The following IMPDH2 variants were observed in gnomAD, a reference collection of about 807,000 sequenced individuals.
IMPDH2 encodes the protein inosine monophosphate dehydrogenase 2.
A neutral mutation model predicts 57.8 loss-of-function variants in IMPDH2; 33 were observed. The observed-to-expected ratio is 0.57, with a 90% CI of 0.43 to 0.76. The LOEUF (loss-of-function observed/expected upper bound fraction) is 0.76. Among genes scored for constraint, IMPDH2 ranks in the 30% least tolerant of loss-of-function variants. IMPDH2 has a pLI of 0.00. For synonymous variants in IMPDH2, 270 were observed against 241.3 expected (o/e 1.12, Z -1.10); for missense variants, 446 against 659.1 (o/e 0.68, Z 3.54).
In IMPDH2 at chr3:49,029,245, G is replaced by A. The variant is rs1443385288; in HGVS notation, c.98+8C>T. ...CTCTTCGCCCAGGTGAGCCCCATAGGCCCGCACTTGTAGGTGAGGCCGTCT... is the reference window on the plus strand; with the variant it reads ...CTCTTCGCCCAGGTGAGCCCCATAGACCCGCACTTGTAGGTGAGGCCGTCT... On this transcript the variant is annotated splice_region_variant and intron_variant, in intron 1 of 13. Transcript: ENST00000326739. 2 of 1,590,428 alleles carry A rather than the reference G, an allele frequency of 1.3e-6. No homozygotes were observed. Among genetic ancestry groups the A allele is most frequent in the East Asian group, 4.5e-5 (2 of 44,208 alleles).
rs199709567 is a variant in IMPDH2 at position 49,025,053 on chromosome 3, G to A, written c.1151-13C>T. 8.1e-6 allele frequency: 13 copies of A among 1,614,254 alleles called. No individual in the cohort carries two copies. Among genetic ancestry groups the A allele is most frequent in the Non-Finnish European group, 1.1e-5 (13 of 1,180,046 alleles). ...GAGCCCATCATGACTGCGGACAGAT[G>A]GAGTGCTTGGGTTAGAGCCTAAGCA... On this transcript the variant is annotated splice_polypyrimidine_tract_variant and intron_variant, in intron 10 of 13. Coordinates refer to ENST00000326739, the MANE Select transcript of IMPDH2 (RefSeq NM_000884.3).
intron 4 of IMPDH2, 71 bp downstream of exon 4, chr3:49,028,177 C>T: frequency 1.6e-6 from 2 of 1,247,658 alleles, no homozygotes; most frequent in South Asian, 1.2e-5. Flanking sequence ...TAGAATAAAC[C>T]CCTACTCCCA....
At position 49,028,810 on chromosome 3, in the gene IMPDH2, C is replaced by T. The variant is rs72624905; in HGVS notation, c.99-4G>A. On this transcript the variant is annotated splice_region_variant and splice_polypyrimidine_tract_variant and intron_variant, in intron 1 of 13. Transcript: ENST00000326739. ...CCCAGGGAGAATGAGAAAGTCACTGCGAGGGAAGGGAGTGAATTGGGAGTA... is the reference window on the plus strand; with the variant it reads ...CCCAGGGAGAATGAGAAAGTCACTGTGAGGGAAGGGAGTGAATTGGGAGTA... 890 of 1,612,770 alleles carry T rather than the reference C, an allele frequency of 5.5e-4. 7 individuals are homozygous for T. In the African/African-American group the frequency reaches 0.01, roughly 19 times the overall value.
Position 49,025,013 on chromosome 3 carries a change from G to A in IMPDH2, c.1178C>T (p.Thr393Ile). ...TVMMGSLLAA[T>I]TEAPGEYFFS... The stretch of plus-strand genomic sequence containing the variant: ...GAAGTATTCACCAGGGGCCTCAGTG[G>A]TGGCAGCCAGGAGAGAGCCCATCAT... Residue 393 changes from threonine (T) to isoleucine (I), a missense_variant, in exon 11 of 14, where the codon ACC (threonine) becomes ATC (isoleucine). Thr to Ile is a moderately conservative substitution (Grantham distance 89). Coordinates refer to ENST00000326739, the MANE Select transcript of IMPDH2 (RefSeq NM_000884.3). 1.9e-6 allele frequency: 3 copies of A among 1,614,266 alleles called. No homozygotes were observed. The highest frequency in any genetic ancestry group is 1.7e-6 in the Non-Finnish European group (2 of 1,180,050).
intron 1 of IMPDH2, 106 bp downstream of exon 1, chr3:49,029,147 C>G: frequency 2.2e-6 from 2 of 928,740 alleles, no homozygotes; most frequent in South Asian, 1.4e-5. Context: ...TTCCCGAAAC[C>G]TGTCCCCCAC....
chr3:49,026,059 G>A (rs1245762221), intron 9 of IMPDH2: 1 of 577,218 alleles, frequency 1.7e-6, no homozygotes, highest in Non-Finnish European at 3.3e-6. Context: ...GAGGGATCTT[G>A]GGAGCCACTA....
In IMPDH2 at chr3:49,026,952, G is replaced by T; in HGVS notation, c.619+8C>A. The T allele has an allele frequency of 6.2e-7, 1 of 1,613,884 alleles. No homozygotes were observed. The highest frequency in any genetic ancestry group is 8.5e-7 in the Non-Finnish European group (1 of 1,179,766). On this transcript the variant is annotated splice_region_variant and intron_variant, in intron 6 of 13. Transcript: ENST00000326739. ...AGTTCCAGGCCCTTTCCCAGCTCTA[G>T]GACTTACCCTTCTTGCTGCGCTGCA...
chr3:49,027,944 C>T (rs542219720), intron 4 of IMPDH2, 28 bp from the exon 5 acceptor site: 7 of 1,543,954 alleles, frequency 4.5e-6, no homozygotes, highest in South Asian at 1.1e-5. Flanking sequence ...GAAAGGGCAT[C>T]GCATCTTTGA....
In IMPDH2 at chr3:49,026,945, A is replaced by G. The variant is rs563955587; in HGVS notation, c.619+15T>C. On this transcript the variant is annotated intron_variant, in intron 6 of 13. Transcript: ENST00000326739. ...AGGCATTAGTTCCAGGCCCTTTCCC[A>G]GCTCTAGGACTTACCCTTCTTGCTG... The G allele has an allele frequency of 9.9e-6, 16 of 1,613,808 alleles. No individual in the cohort carries two copies. The South Asian group carries it at 1.3e-4, about 13-fold the overall frequency.
chr3:49,027,584 C>A, intron 5 of IMPDH2, 126 bp downstream of exon 5: 1 of 793,834 alleles, frequency 1.3e-6, no homozygotes, highest in Admixed American at 2.2e-5. Flanking sequence ...ATAAAGGAGT[C>A]AGAAACTTGG....
At position 49,026,351 on chromosome 3, in the gene IMPDH2, T is replaced by C; in HGVS notation, c.979A>G (p.Ser327Gly). 6.2e-7 allele frequency: 1 copy of C among 1,613,156 alleles called. No individual in the cohort carries two copies. The highest frequency in any genetic ancestry group is 1.3e-5 in the African/African-American group (1 of 75,044). ...GVDALRVGMGSGSICITQEVL... is the reference protein window; with the variant it reads ...GVDALRVGMGGGSICITQEVL... ...TCCTGCGTAATGCAGATGGAGCCAC[T>C]TCCCATGCCCACCCGCAGGGCATCC... Residue 327 changes from serine to glycine, a missense_variant, in exon 9 of 14, where the codon AGT (serine) becomes GGT (glycine). Coordinates refer to ENST00000326739, the MANE Select transcript of IMPDH2 (RefSeq NM_000884.3).
Position 49,025,180 on chromosome 3 carries a change from C to T in IMPDH2, c.1096G>A (p.Gly366Arg). 1.2e-6 allele frequency: 2 copies of T among 1,614,234 alleles called. No individual in the cohort carries two copies. The highest frequency in any genetic ancestry group is 1.7e-6 in the Non-Finnish European group (2 of 1,180,034). The change falls in exon 10 of 14, where the codon GGA becomes AGA. Residue 366 changes from glycine to arginine, a missense_variant. Coordinates refer to ENST00000326739, the MANE Select transcript of IMPDH2 (RefSeq NM_000884.3). ...GCAATATGACCCACATTTTGGATTC[C>T]TCCATCAGCAATGACCGGAACACCA... ...RFGVPVIADG[G>R]IQNVGHIAKA...
chr3:49,026,959 C>T lies in IMPDH2; in HGVS notation c.619+1G>A, dbSNP rs1357553007. The T allele has an allele frequency of 1.2e-6, 2 of 1,613,980 alleles. No homozygotes were observed. Among genetic ancestry groups the T allele is most frequent in the Non-Finnish European group, 1.7e-6 (2 of 1,179,828 alleles). ...GGCCCTTTCCCAGCTCTAGGACTTA[C>T]CCTTCTTGCTGCGCTGCAGAATTTC... On this transcript the variant is annotated splice_donor_variant, in intron 6 of 13. Coordinates refer to ENST00000326739, the MANE Select transcript of IMPDH2 (RefSeq NM_000884.3). LOFTEE classifies it high-confidence loss of function.
At position 49,027,964 on chromosome 3, in the gene IMPDH2, A is replaced by T. The variant is rs371088469; in HGVS notation, c.325-48T>A. 2.8e-5 allele frequency: 40 copies of T among 1,406,298 alleles called. No individual in the cohort carries two copies. The Admixed American group carries it at 5.7e-4, about 20-fold the overall frequency. 87.1% of individuals were successfully genotyped at this position (1,406,298 alleles called of 1,614,324 possible). On this transcript the variant is annotated intron_variant, in intron 4 of 13. Coordinates refer to ENST00000326739, the MANE Select transcript of IMPDH2 (RefSeq NM_000884.3). ...GGCATCGCATCTTTGAACTACTTTC[A>T]TCAGGCTCTTGATCTGAAGCATGGG...
At chr3:49,027,512 G>T (rs891459946) in intron 5 of IMPDH2, among the ~76,000 whole-genome samples, 198 bp downstream of exon 5, 1 of 152,180 alleles carries the variant, frequency 6.6e-6, no homozygotes, top group African/African-American at 2.4e-5. Flanking sequence ...AACAAAGCAT[G>T]AATACTAGCA....
In IMPDH2 at chr3:49,027,714, TC is replaced by T. The variant is rs755365956; in HGVS notation, c.526del (p.Glu176LysfsTer3). Reference sequence around the variant, plus strand: ...TACTCTGCCAGTGGCACCCACCTCTTCCAAGAAACAGTCATGTTCCTCCTCT... The same window carrying T: ...TACTCTGCCAGTGGCACCCACCTCTTCAAGAAACAGTCATGTTCCTCCTCT... ...LKEEEHDCFL[E>X]EIMTKREDLV... On this transcript the variant is annotated frameshift_variant, in exon 5 of 14. Transcript: ENST00000326739. LOFTEE classifies it high-confidence loss of function. 1.9e-6 allele frequency: 3 copies of T among 1,613,984 alleles called. No individual in the cohort carries two copies. Among genetic ancestry groups the T allele is most frequent in the Non-Finnish European group, 2.5e-6 (3 of 1,179,886 alleles).
At position 49,026,955 on chromosome 3, in the gene IMPDH2, C is replaced by G. The variant is rs1395494542; in HGVS notation, c.619+5G>C. ...TCCAGGCCCTTTCCCAGCTCTAGGA[C>G]TTACCCTTCTTGCTGCGCTGCAGAA... On this transcript the variant is annotated splice_donor_5th_base_variant and intron_variant, in intron 6 of 13. Transcript: ENST00000326739. The G allele has an allele frequency of 4.3e-6, 7 of 1,613,916 alleles. No individual in the cohort carries two copies. The highest frequency in any genetic ancestry group is 5.9e-6 in the Non-Finnish European group (7 of 1,179,874).
chr3:49,029,116 G>A, intron 1 of IMPDH2, 137 bp downstream of exon 1: 2 of 726,776 alleles, frequency 2.8e-6, no homozygotes, highest in Non-Finnish European at 4.9e-6. Context: ...CTCAAAGTGA[G>A]CCCCGGAGGT....
intron 9 of IMPDH2, chr3:49,026,003 C>T (rs2106784822): frequency 8.2e-6 from 4 of 488,998 alleles, no homozygotes; most frequent in Middle Eastern, 6.2e-4. Context: ...ACTATAGCAA[C>T]CCGTGACAGT....
Sources: gnomAD v4.1 joint callset for allele counts (sites outside exome capture counted in the v4.1 genomes callset) on GRCh38, gnomAD v4.1.1 for gene constraint, MANE v1.5 for transcripts, NCBI Gene and HGNC (gene_info 2026-07-23, HGNC 2026-07-21) for gene names.